The following STARD9 variants were observed in gnomAD, a reference collection of about 807,000 sequenced individuals.
STARD9 encodes the protein StAR related lipid transfer domain containing 9.
A neutral mutation model predicts 399.8 loss-of-function variants in STARD9; 346 were observed. The observed-to-expected ratio is 0.87, with a 90% confidence interval of 0.79 to 0.95. The LOEUF (loss-of-function observed/expected upper bound fraction) is 0.95. STARD9 is among the 40% of genes least tolerant of loss of function. The probability of loss-of-function intolerance (pLI) is 0.00; values close to 1 mark genes in which losing one functional copy is unlikely to be tolerated. For missense variants in STARD9, 5,832 were observed against 5,667.5 expected, an observed-to-expected ratio of 1.03 and a Z score of -0.93; for synonymous variants, 2,203 against 2,143.5, an observed-to-expected ratio of 1.03 and a Z score of -0.77.
chr15:42,592,027 A>G (rs2058405835), intron 3 of STARD9, among the ~76,000 whole-genome samples: 1 of 152,198 alleles, frequency 6.6e-6, no homozygotes, highest in Non-Finnish European at 1.5e-5. Context: ...TGTCATTTCC[A>G]CTAAACCTCA....
rs748109608 is a variant in STARD9 at position 42,686,847 on chromosome 15, A to T, written c.5269A>T (p.Thr1757Ser). ...TGTGACCAAAAGCAGGGATGCCCTG[A>T]CAGAAACTGCCTTAGAGATTCCAGC... Reference protein sequence around the residue: ...FYVTKSRDALTETALEIPACR... With the variant: ...FYVTKSRDALSETALEIPACR... The change falls in exon 23 of 33, where the codon ACA becomes TCA. Residue 1757 changes from threonine to serine, a missense_variant. Coordinates refer to ENST00000290607, the MANE Select transcript of STARD9 (RefSeq NM_020759.3). 6.5e-7 allele frequency: 1 copy of T among 1,537,074 alleles called. No homozygotes were observed. Among genetic ancestry groups the T allele is most frequent in the South Asian group, 1.2e-5 (1 of 84,062 alleles).
At chr15:42,619,871 T>C (rs2059050982) in intron 3 of STARD9, among the ~76,000 whole-genome samples, 1 of 152,218 alleles carries the variant, frequency 6.6e-6, no homozygotes, top group Admixed American at 6.5e-5. Context: ...AAGATGAATA[T>C]ACTGTTGAGC....
Position 42,685,342 on chromosome 15 carries a change from G to A in STARD9, c.3764G>A (p.Gly1255Asp). ...VMDQEAICRL[G>D]PINYRTAARL... ...GACCAAGAGGCAATATGCAGGCTTGGTCCCATCAACTACAGAACAGCAGCT... is the reference window on the plus strand; with the variant it reads ...GACCAAGAGGCAATATGCAGGCTTGATCCCATCAACTACAGAACAGCAGCT... The change falls in exon 23 of 33, where the codon GGT becomes GAT. Residue 1255 changes from glycine to aspartate, a missense_variant. Gly to Asp is a moderately conservative substitution (Grantham distance 94). Transcript: ENST00000290607. 6.5e-7 allele frequency: 1 copy of A among 1,537,290 alleles called. No homozygotes were observed. The highest frequency in any genetic ancestry group is 8.7e-7 in the Non-Finnish European group (1 of 1,146,920).
At position 42,716,997 on chromosome 15, in the gene STARD9, C is replaced by T; in HGVS notation, c.13443C>T (p.Ser4481=). 1 of 1,537,196 alleles carries T rather than the reference C, an allele frequency of 6.5e-7. No homozygotes were observed. The highest frequency in any genetic ancestry group is 8.7e-7 in the Non-Finnish European group (1 of 1,146,862). Residue 4481 remains serine, a synonymous_variant, in exon 28 of 33, where the codon TCC becomes TCT. Transcript: ENST00000290607. The part of the protein sequence containing the change: ...SSLSSLGTCF[S]SSYQDLAKHV... ...TGTCCAGCTTGGGGACCTGCTTTTC[C>T]TCCTCCTACCAGGATTTGGCCAAGC...
chr15:42,656,449 CAG>C (rs1438651769), intron 9 of STARD9, among the ~76,000 whole-genome samples: 1 of 134,224 alleles, frequency 7.5e-6, no homozygotes, highest in African/African-American at 2.8e-5. Flanking sequence ...TTATGGAAAA[CAG>C]TGTGGAGATT....
intron 26 of STARD9, among the ~76,000 whole-genome samples, chr15:42,698,442 A>G (rs904110434): frequency 2.0e-5 from 3 of 152,110 alleles, no homozygotes; most frequent in Admixed American, 6.5e-5. Context: ...TTTTTCTCAT[A>G]TGCTTGAATA....
intron 3 of STARD9, among the ~76,000 whole-genome samples, chr15:42,599,788 G>A (rs1033371257): frequency 2.0e-5 from 3 of 152,116 alleles, no homozygotes; most frequent in African/African-American, 4.8e-5. Flanking sequence ...TTAGTGCTGC[G>A]AGGAATACAG....
chr15:42,692,978 T>C lies in STARD9; in HGVS notation c.11400T>C (p.Leu3800=), dbSNP rs1173539875. Residue 3800 remains leucine (L), a synonymous_variant, in exon 23 of 33, where the codon CTT becomes CTC. Transcript: ENST00000290607. ...TAQKMAQLLY[L]QEESTPYKPQ... ...AGAAAATGGCTCAGCTCCTCTATCTTCAGGAAGAAAGCACTCCCTACAAGC... is the reference window on the plus strand; with the variant it reads ...AGAAAATGGCTCAGCTCCTCTATCTCCAGGAAGAAAGCACTCCCTACAAGC... The C allele has an allele frequency of 6.5e-7, 1 of 1,537,160 alleles. No homozygotes were observed. Among genetic ancestry groups the C allele is most frequent in the South Asian group, 1.2e-5 (1 of 84,052 alleles).
rs1433749870 is a variant in STARD9, at chr15:42,694,582, C to T, written c.12819C>T (p.Asn4273=). The T allele has an allele frequency of 6.5e-7, 1 of 1,537,214 alleles. No individual in the cohort carries two copies. The highest frequency in any genetic ancestry group is 1.2e-5 in the South Asian group (1 of 84,052). ...GAGAGCGGGCTGAGCGACTTGGGAA[C>T]TTCTGCCGGACGCGAAGCCTTAGCC... ...LRRERAERLG[N]FCRTRSLSPQ... Residue 4273 remains asparagine (N), a synonymous_variant, in exon 24 of 33, where the codon AAC becomes AAT. Coordinates refer to ENST00000290607, the MANE Select transcript of STARD9 (RefSeq NM_020759.3).
chr15:42,637,059 C>T lies in STARD9; in HGVS notation c.352-848C>T, dbSNP rs2059433020. 4.7e-5 allele frequency among the ~76,000 whole-genome samples: 6 copies of T among 128,400 alleles called. No individual in the cohort carries two copies. In the South Asian group the frequency reaches 1.7e-3, roughly 35 times the overall value. 84.2% of individuals were successfully genotyped at this position (128,400 alleles called of 152,430 possible). A position where few individuals can be genotyped will look rare whatever the true frequency, so the allele number is the denominator to read the frequency against. Reference sequence around the variant, plus strand: ...AGCCTGGGCAACAAGAGTGAAACTCCATTTCAAAAAAATAATAATTAAAAA... The same window carrying T: ...AGCCTGGGCAACAAGAGTGAAACTCTATTTCAAAAAAATAATAATTAAAAA... On this transcript the variant is annotated intron_variant, in intron 4 of 32. Coordinates refer to ENST00000290607, the MANE Select transcript of STARD9 (RefSeq NM_020759.3).
intron 6 of STARD9, among the ~76,000 whole-genome samples, chr15:42,638,374 C>T (rs995944124): frequency 6.6e-6 from 1 of 152,110 alleles, no homozygotes; most frequent in Non-Finnish European, 1.5e-5. Flanking sequence ...TAGAGCTCAA[C>T]GGTCATGTTT....
chr15:42,623,877 A>T (rs2059142285), intron 3 of STARD9, among the ~76,000 whole-genome samples: 1 of 152,226 alleles, frequency 6.6e-6, no homozygotes, highest in African/African-American at 2.4e-5. Context: ...TGCCTGGAAA[A>T]ATCTGCAATT....
intron 9 of STARD9, among the ~76,000 whole-genome samples, chr15:42,656,559 G>A (rs2059877389): frequency 6.6e-6 from 1 of 151,974 alleles, no homozygotes; most frequent in South Asian, 2.1e-4. Context: ...ATTCACATTT[G>A]CAAAAATACA....
rs1332052529 is a variant in STARD9, at chr15:42,687,006, G to C, written c.5428G>C (p.Ala1810Pro). Residue 1810 changes from alanine to proline, a missense_variant, in exon 23 of 33, where the codon GCC (alanine) becomes CCC (proline). Around this residue, in one of 2 missense-constraint regions of STARD9, gnomAD observed 5,828 missense variants for 5,651.1 expected, o/e 1.03. Coordinates refer to ENST00000290607, the MANE Select transcript of STARD9 (RefSeq NM_020759.3). ...GTTACAAAACCAGAATTCTAAGATT[G>C]CCTCATCTCAGCAGGTCACAGCTGA... ...VLLQNQNSKI[A>P]SSQQVTAEIP... 9.8e-6 allele frequency: 15 copies of C among 1,536,770 alleles called. No homozygotes were observed. Among genetic ancestry groups the C allele is most frequent in the African/African-American group, 1.4e-5 (1 of 73,020 alleles).
At chr15:42,641,867 G>T (rs2059545300) in intron 7 of STARD9, among the ~76,000 whole-genome samples, 1 of 151,686 alleles carries the variant, frequency 6.6e-6, no homozygotes, top group Admixed American at 6.6e-5. Flanking sequence ...GCCTCCCAAA[G>T]TGCTGAGATT....
At chr15:42,577,927 A>T (rs537743644) in intron 1 of STARD9, among the ~76,000 whole-genome samples, 1 of 152,308 alleles carries the variant, frequency 6.6e-6, no homozygotes, top group Admixed American at 6.5e-5. Flanking sequence ...CTTACAGATG[A>T]TCTGGCCCAA....
At chr15:42,625,280 GC>G (rs1358315039) in intron 3 of STARD9, among the ~76,000 whole-genome samples, 2 of 151,792 alleles carry the variant, frequency 1.3e-5, no homozygotes, top group Non-Finnish European at 2.9e-5. Flanking sequence ...ACCCACCTCA[GC>G]CCCCCAAAGT....
At chr15:42,708,752 T>C (rs1432998977) in intron 26 of STARD9, among the ~76,000 whole-genome samples, 1 of 152,088 alleles carries the variant, frequency 6.6e-6, no homozygotes, top group African/African-American at 2.4e-5. Context: ...GAGACATGTA[T>C]GTGAAAACCC....
chr15:42,619,425 C>T (rs1156987032), intron 3 of STARD9, among the ~76,000 whole-genome samples: 1 of 151,818 alleles, frequency 6.6e-6, no homozygotes, highest in African/African-American at 2.4e-5. Context: ...ATTAGCCGGG[C>T]ATGGTGGCAC....
Sources: gnomAD v4.1 joint callset for allele counts (sites outside exome capture counted in the v4.1 genomes callset) on GRCh38, gnomAD v4.1.1 for gene constraint, gnomAD v4.1.1 regional missense constraint, MANE v1.5 for transcripts, NCBI Gene and HGNC (gene_info 2026-07-23, HGNC 2026-07-21) for gene names.